The following FNTB variants were observed in gnomAD, a reference collection of about 807,000 sequenced individuals.
FNTB encodes the protein protein farnesyltransferase subunit beta.
In FNTB, 27 loss-of-function variants were observed where a neutral mutation model predicts 59.4. The ratio of observed to expected loss-of-function variants is 0.45; its 90% CI spans 0.34 to 0.63. The LOEUF (loss-of-function observed/expected upper bound fraction) is 0.63. FNTB is among the 20% of genes least tolerant of loss of function. FNTB has a pLI of 0.02. For missense variants in FNTB, 449 were observed against 559.6 expected (o/e 0.80, Z 1.99); for synonymous variants, 230 against 220.7 (o/e 1.04, Z -0.37).
At chr14:65,015,532 C>A in intron 3 of FNTB, 93 bp from the exon 4 acceptor site, 4 of 1,356,628 alleles carry the variant, frequency 2.9e-6, no homozygotes, top group Non-Finnish European at 3.1e-6. Context: ...TCCCCCTTGC[C>A]AGGCTGCTGG....
At chr14:65,053,428 C>A in intron 10 of FNTB, 79 bp downstream of exon 10, 1 of 1,192,776 alleles carries the variant, frequency 8.4e-7, no homozygotes, top group Non-Finnish European at 1.1e-6. Flanking sequence ...CTACTCAGAG[C>A]CAGATCTCAA....
rs896571464 is a variant in FNTB at position 65,032,154 on chromosome 14, C to T, written c.606-456C>T. Among the ~76,000 whole-genome samples the T allele has an allele frequency of 1.3e-5, 2 of 151,980 alleles. No homozygotes were observed. Among genetic ancestry groups the T allele is most frequent in the Non-Finnish European group, 2.9e-5 (2 of 68,002 alleles). On this transcript the variant is annotated intron_variant, in intron 6 of 11. Coordinates refer to ENST00000246166, the MANE Select transcript of FNTB (RefSeq NM_002028.4). This position sits in a 1 kb window ranked among gnomAD's most constrained non-coding sequence, Gnocchi z 5.0. ...GGCCTGTTTTGCAGTTTATCTGTTG[C>T]AGAAAAAGTATAGTTAATCTTTAAT...
intron 7 of FNTB, among the ~76,000 whole-genome samples, chr14:65,039,411 A>G (rs2062292939): frequency 6.6e-6 from 1 of 152,188 alleles, no homozygotes; most frequent in South Asian, 2.1e-4. Context: ...CTTTTGATTA[A>G]ACCTCTGAAA....
chr14:65,013,580 C>A (rs551471617), intron 3 of FNTB, among the ~76,000 whole-genome samples: 1 of 152,158 alleles, frequency 6.6e-6, no homozygotes, highest in African/African-American at 2.4e-5. Context: ...GATGGAGTCT[C>A]GCTGTATTTC....
At position 65,037,409 on chromosome 14, in the gene FNTB, T is replaced by C. The variant is rs1380556851; in HGVS notation, c.693-3381T>C. Among the ~76,000 whole-genome samples, 26 of 57,034 alleles carry C rather than the reference T, an allele frequency of 4.6e-4. 3 individuals are homozygous for C. Among genetic ancestry groups the C allele is most frequent in the Admixed American group, 1.4e-3 (7 of 5,058 alleles). The allele number at this position is 57,034 out of a possible 152,430, so 37.4% of individuals were successfully genotyped here. A position where few individuals can be genotyped will look rare whatever the true frequency, so the allele number is the denominator to read the frequency against. On this transcript the variant is annotated intron_variant, in intron 7 of 11. Transcript: ENST00000246166. ...TGAGCCACCACGCCGGGCCCTTTTT[T>C]TTTTTTTTTTTTTTTTTTTTTTTTT...
chr14:65,027,714 T>A lies in FNTB; in HGVS notation c.538T>A (p.Tyr180Asn). ...DIINREKLLQ[Y>N]LYSLKQPDGS... Reference sequence around the variant, plus strand: ...GTTTCTCAGAGAGAAGCTTCTTCAGTATTTGTACTCCCTGAAGCAACCTGA... The same window carrying A: ...GTTTCTCAGAGAGAAGCTTCTTCAGAATTTGTACTCCCTGAAGCAACCTGA... Residue 180 changes from tyrosine (Y) to asparagine (N), a missense_variant, in exon 6 of 12, where the codon TAT becomes AAT. Tyr to Asn is a moderately radical substitution (Grantham distance 143). Transcript: ENST00000246166. This position sits in a 1 kb window ranked among gnomAD's most constrained non-coding sequence, Gnocchi z 5.7. The A allele has an allele frequency of 3.1e-6, 5 of 1,614,190 alleles. No homozygotes were observed. Among genetic ancestry groups the A allele is most frequent in the Non-Finnish European group, 4.2e-6 (5 of 1,180,036 alleles).
chr14:65,058,809 G>A (rs912876650), intron 11 of FNTB, among the ~76,000 whole-genome samples: 3 of 152,162 alleles, frequency 2.0e-5, no homozygotes, highest in African/African-American at 7.2e-5. Flanking sequence ...AGTAGAGGCA[G>A]TGTGTCTGTG....
At chr14:65,051,985 CAG>C (rs1468981730) in intron 9 of FNTB, among the ~76,000 whole-genome samples, 1 of 151,934 alleles carries the variant, frequency 6.6e-6, no homozygotes, top group Non-Finnish European at 1.5e-5. Flanking sequence ...TTAGTAGAGA[CAG>C]GGTTTCACCG....
chr14:65,025,685 C>G (rs148536318), intron 4 of FNTB, among the ~76,000 whole-genome samples: 79 of 152,184 alleles, frequency 5.2e-4, no homozygotes, highest in Admixed American at 1.6e-3. Context: ...CGTGGTGGCT[C>G]ATGCCTGTAA....
At chr14:64,988,155 T>C (rs1888026854) in intron 1 of FNTB, among the ~76,000 whole-genome samples, 1 of 152,236 alleles carries the variant, frequency 6.6e-6, no homozygotes, top group Non-Finnish European at 1.5e-5. Flanking sequence ...AACAAGGGCT[T>C]GATACGTGGT....
chr14:65,058,990 A>G (rs2062803258), intron 11 of FNTB, among the ~76,000 whole-genome samples: 1 of 152,178 alleles, frequency 6.6e-6, no homozygotes, highest in Admixed American at 6.5e-5. Context: ...ATAAAATTAA[A>G]TGGGTAGCTT....
intron 7 of FNTB, among the ~76,000 whole-genome samples, chr14:65,040,043 G>T (rs78098664): frequency 6.6e-6 from 1 of 151,862 alleles, no homozygotes; most frequent in Non-Finnish European, 1.5e-5. Context: ...ACAAAAAATG[G>T]TCCGGGTATG....
intron 8 of FNTB, among the ~76,000 whole-genome samples, chr14:65,042,153 T>C (rs1216176130): frequency 6.6e-6 from 1 of 151,882 alleles, no homozygotes; most frequent in Non-Finnish European, 1.5e-5. Context: ...AAGGGACCAG[T>C]TTTGTGGGAG....
rs558002602 is a variant in FNTB, at chr14:64,998,476, G to A, written c.145-5773G>A. Among the ~76,000 whole-genome samples, 4 of 152,338 alleles carry A rather than the reference G, an allele frequency of 2.6e-5. No homozygotes were observed. The South Asian group carries it at 8.3e-4, about 32-fold the overall frequency. On this transcript the variant is annotated intron_variant, in intron 1 of 11. Transcript: ENST00000246166. ...AACAAGTGTGACCAGTCTGAGATTG[G>A]ACAGGCAATTGCTGGACAGATGTCC...
intron 1 of FNTB, among the ~76,000 whole-genome samples, chr14:65,003,143 C>G (rs997775475): frequency 2.6e-5 from 4 of 152,156 alleles, no homozygotes; most frequent in Admixed American, 2.0e-4. Context: ...AGAGAAAGAT[C>G]TGATTTCTTT....
chr14:64,996,167 TGGGCTG>T (rs1178152801), intron 1 of FNTB, among the ~76,000 whole-genome samples: 1 of 149,546 alleles, frequency 6.7e-6, no homozygotes, highest in Non-Finnish European at 1.5e-5. Flanking sequence ...CAACCAAGCC[TGGGCTG>T]GGCACCGTGG....
chr14:65,039,596 C>T (rs2062297043), intron 7 of FNTB, among the ~76,000 whole-genome samples: 1 of 152,112 alleles, frequency 6.6e-6, no homozygotes, highest in African/African-American at 2.4e-5. Flanking sequence ...CCTCTCCCAT[C>T]CCTATCCTTT....
In FNTB at chr14:64,997,635, A is replaced by G. The variant is rs1010100443; in HGVS notation, c.145-6614A>G. 5.3e-5 allele frequency among the ~76,000 whole-genome samples: 8 copies of G among 152,360 alleles called. No individual in the cohort carries two copies. Among genetic ancestry groups the G allele is most frequent in the Non-Finnish European group, 8.8e-5 (6 of 68,038 alleles). ...AATGAGTAAATCTCAAAGAGGTGGCATAGACTTCAGGTTTAACTACAGTGT... is the reference window on the plus strand; with the variant it reads ...AATGAGTAAATCTCAAAGAGGTGGCGTAGACTTCAGGTTTAACTACAGTGT... On this transcript the variant is annotated intron_variant, in intron 1 of 11. Coordinates refer to ENST00000246166, the MANE Select transcript of FNTB (RefSeq NM_002028.4). This position sits in a 1 kb window ranked among gnomAD's most constrained non-coding sequence, Gnocchi z 4.5.
intron 9 of FNTB, among the ~76,000 whole-genome samples, chr14:65,050,806 A>G (rs995004492): frequency 3.3e-5 from 5 of 152,224 alleles, no homozygotes; most frequent in Admixed American, 6.5e-5. Context: ...AGCCTTAACA[A>G]TGTTTATTCC....
Sources: allele counts gnomAD v4.1 joint callset (sites outside exome capture counted in the v4.1 genomes callset), GRCh38; gene constraint gnomAD v4.1.1; non-coding constraint Gnocchi (gnomAD v3.1); transcripts MANE v1.5; gene names NCBI Gene and HGNC (gene_info 2026-07-23, HGNC 2026-07-21).